The following PSMG2 variants were observed in gnomAD, a reference collection of about 807,000 sequenced individuals.
PSMG2 encodes CD40 ligand-activated specific transcript 3.
PSMG2 carries 21 observed loss-of-function variants against 31.5 expected under a neutral mutation model. The observed-to-expected ratio is 0.67, with a 90% confidence interval of 0.47 to 0.96. The LOEUF (loss-of-function observed/expected upper bound fraction) is 0.96, where lower values mean the gene tolerates loss of function less well. Among genes scored for constraint, PSMG2 ranks in the 40% least tolerant of loss-of-function variants. PSMG2 has a pLI of 0.00. For missense variants in PSMG2, 318 were observed against 321.2 expected (o/e 0.99, Z 0.08); for synonymous variants, 120 against 110.4 (o/e 1.09, Z -0.54).
At chr18:12,702,766 C>T (rs1468426725), upstream of PSMG2, 2 of 585,642 alleles carry the variant, frequency 3.4e-6, no homozygotes, top group African/African-American at 4.0e-5. Context: ...CAAACAGTGG[C>T]GGACAAACAG....
At chr18:12,686,209 T>C in intron 1 of PSMG2, 6 of 1,412,852 alleles carry the variant, frequency 4.2e-6, no homozygotes, top group Non-Finnish European at 5.8e-6. Flanking sequence ...GGATTACAAA[T>C]TCAGAGTAAC....
chr18:12,681,409 G>C (rs2039345788), intron 1 of PSMG2, among the ~76,000 whole-genome samples: 1 of 151,786 alleles, frequency 6.6e-6, no homozygotes, highest in South Asian at 2.1e-4. Flanking sequence ...ATGACACCTA[G>C]CTAATTTTAA....
At chr18:12,693,961 A>G (rs1471955342) in intron 1 of PSMG2, among the ~76,000 whole-genome samples, 1 of 152,160 alleles carries the variant, frequency 6.6e-6, no homozygotes, top group East Asian at 1.9e-4. Flanking sequence ...CTTCCCAAGC[A>G]GCTGGGACTA....
chr18:12,675,851 T>C (rs1388485638), intron 1 of PSMG2, among the ~76,000 whole-genome samples: 1 of 151,934 alleles, frequency 6.6e-6, no homozygotes, highest in Non-Finnish European at 1.5e-5. Context: ...GTATTTTTAG[T>C]AGAGACGGGC....
At chr18:12,687,504 A>G (rs2039582674) in intron 1 of PSMG2, among the ~76,000 whole-genome samples, 1 of 140,350 alleles carries the variant, frequency 7.1e-6, no homozygotes, top group Non-Finnish European at 1.5e-5. Flanking sequence ...TCCAGGCTGG[A>G]GTGCAGTAGT....
upstream of PSMG2, chr18:12,698,859 A>C (rs765090670): frequency 2.3e-4 from 162 of 711,516 alleles, no homozygotes; most frequent in Non-Finnish European, 3.5e-4. Context: ...GCAGTGGGAA[A>C]CAAAATAGAG....
At position 12,678,404 on chromosome 18, in the gene PSMG2, A is replaced by T; in HGVS notation, c.-37+19631A>T. 13 of 1,613,808 alleles carry T rather than the reference A, an allele frequency of 8.1e-6. No individual in the cohort carries two copies. Among genetic ancestry groups the T allele is most frequent in the Non-Finnish European group, 1.0e-5 (12 of 1,179,682 alleles). On this transcript the variant is annotated intron_variant, in intron 1 of 6. Coordinates refer to the PSMG2 transcript ENST00000585331. ...GTACAGTGGTTTGGGCTGTTCAGCA[A>T]CTGGAGGTTCATCAGGATTGGTAGG...
intron 4 of PSMG2, among the ~76,000 whole-genome samples, chr18:12,719,869 G>A (rs1005463082): frequency 2.0e-5 from 3 of 150,656 alleles, no homozygotes; most frequent in African/African-American, 7.3e-5. Context: ...GACTACAGGC[G>A]CATGCCACCA....
intron 1 of PSMG2, among the ~76,000 whole-genome samples, chr18:12,669,866 G>T (rs972819408): frequency 4.6e-5 from 7 of 151,676 alleles, no homozygotes; most frequent in African/African-American, 1.7e-4. Flanking sequence ...GTGTGGTGGC[G>T]CATGCCTGTA....
At chr18:12,686,040 G>T in intron 1 of PSMG2, 1 of 414,074 alleles carries the variant, frequency 2.4e-6, no homozygotes. Flanking sequence ...CATAAACGTT[G>T]TTACACACCA....
chr18:12,697,315 G>T (rs1203758039), intron 1 of PSMG2: 1 of 1,613,704 alleles, frequency 6.2e-7, no homozygotes, highest in East Asian at 2.2e-5. Context: ...TACTAAAGTC[G>T]TCTCACCAAA....
intron 1 of PSMG2, among the ~76,000 whole-genome samples, chr18:12,681,914 T>C (rs1734259158): frequency 6.6e-6 from 1 of 151,792 alleles, no homozygotes; most frequent in South Asian, 2.1e-4. Context: ...GAGAATCGCT[T>C]GAACCTGGGA....
chr18:12,662,472 G>T (rs969195254), intron 1 of PSMG2, among the ~76,000 whole-genome samples: 2 of 152,174 alleles, frequency 1.3e-5, no homozygotes, highest in African/African-American at 4.8e-5. Context: ...TACACTCACA[G>T]AGAGCGAGAA....
intron 5 of PSMG2, among the ~76,000 whole-genome samples, chr18:12,721,794 C>T (rs1203414717): frequency 6.7e-6 from 1 of 150,028 alleles, no homozygotes; most frequent in East Asian, 1.9e-4. Context: ...GCTTTTTTTT[C>T]TCTTTTCCAA....
chr18:12,703,231 G>T, intron 1 of PSMG2, 67 bp downstream of exon 1: 1 of 1,508,232 alleles, frequency 6.6e-7, no homozygotes, highest in Non-Finnish European at 9.0e-7. Flanking sequence ...ACCCCGACGC[G>T]GGGTGTTTGG....
At chr18:12,714,487 C>CT (rs11331115) in intron 3 of PSMG2, among the ~76,000 whole-genome samples, 5,201 of 141,366 alleles carry the variant, frequency 0.037, 121 homozygotes, top group Middle Eastern at 0.098. Context: ...TCCTTTCTTC[C>CT]TTTTTTTTTT....
At chr18:12,697,465 TAA>T in intron 1 of PSMG2, 1 of 1,136,054 alleles carries the variant, frequency 8.8e-7, no homozygotes, top group East Asian at 2.5e-5. Context: ...TAGGCCAACA[TAA>T]AAGAATACTT....
chr18:12,707,863 G>A (rs914762678), intron 2 of PSMG2, among the ~76,000 whole-genome samples: 7 of 152,198 alleles, frequency 4.6e-5, no homozygotes, highest in African/African-American at 1.2e-4. Flanking sequence ...TTTAGCTTGC[G>A]ATAGTGAAAT....
intron 1 of PSMG2, among the ~76,000 whole-genome samples, chr18:12,662,726 G>A (rs572784299): frequency 1.3e-5 from 2 of 152,170 alleles, no homozygotes; most frequent in South Asian, 2.1e-4. Flanking sequence ...GCAGTGAGCC[G>A]AGATCATGCC....
Sources: gnomAD v4.1 joint callset for allele counts (sites outside exome capture counted in the v4.1 genomes callset) on GRCh38, gnomAD v4.1.1 for gene constraint, MANE v1.5 for transcripts, NCBI Gene and HGNC (gene_info 2026-07-23, HGNC 2026-07-21) for gene names.